The following ADGRL3 variants were observed in gnomAD, a reference collection of about 807,000 sequenced individuals.
ADGRL3 encodes calcium-independent alpha-latrotoxin receptor 3.
Under a neutral mutation model 153.5 loss-of-function variants are expected in ADGRL3, and 62 were observed. The observed-to-expected ratio is 0.40, with a 90% CI of 0.33 to 0.50. ADGRL3 has a LOEUF of 0.50. Among genes scored for constraint, ADGRL3 ranks in the 20% least tolerant of loss-of-function variants. The pLI, the probability that ADGRL3 is intolerant of heterozygous loss-of-function variation, is 0.47. For missense variants in ADGRL3, 1,641 were observed against 1,859.4 expected (o/e 0.88, Z 2.16); for synonymous variants, 710 against 672.5 (o/e 1.06, Z -0.86).
intron 6 of ADGRL3, chr4:61,677,189 G>A: frequency 2.6e-6 from 1 of 383,382 alleles, no homozygotes; most frequent in South Asian, 3.1e-5. Context: ...CTTAATTAAT[G>A]CAAGAATATA....
chr4:61,530,639 G>T (rs1357131156), intron 4 of ADGRL3, among the ~76,000 whole-genome samples: 2 of 152,106 alleles, frequency 1.3e-5, no homozygotes, highest in African/African-American at 2.4e-5. Context: ...CAGCTTAGAT[G>T]ATCTGATTCT....
At chr4:61,885,207 T>A (rs570157345) in intron 9 of ADGRL3, among the ~76,000 whole-genome samples, 3 of 151,982 alleles carry the variant, frequency 2.0e-5, no homozygotes, top group Non-Finnish European at 4.4e-5. Flanking sequence ...CGCGCGCCTG[T>A]AATCCCAGCT....
At chr4:61,876,724 A>G (rs559498039) in intron 9 of ADGRL3, among the ~76,000 whole-genome samples, 272 of 151,724 alleles carry the variant, frequency 1.8e-3, no homozygotes, top group African/African-American at 6.0e-3. Flanking sequence ...CTAAAACTTA[A>G]AGTATAATAA....
chr4:61,520,247 G>A (rs574473574), intron 4 of ADGRL3, among the ~76,000 whole-genome samples: 1 of 152,102 alleles, frequency 6.6e-6, no homozygotes, highest in Non-Finnish European at 1.5e-5. Flanking sequence ...TAGATATCAA[G>A]GCTTTCCCTA....
At chr4:61,327,275 A>G (rs548989926) in intron 1 of ADGRL3, among the ~76,000 whole-genome samples, 19 of 150,262 alleles carry the variant, frequency 1.3e-4, no homozygotes, top group African/African-American at 4.4e-4. Flanking sequence ...ATGTACATCC[A>G]GAGCTTCAAA....
chr4:61,988,321 A>G (rs555386023), intron 19 of ADGRL3, among the ~76,000 whole-genome samples: 8 of 152,296 alleles, frequency 5.3e-5, no homozygotes, highest in African/African-American at 1.9e-4. Flanking sequence ...TCCATTTTAA[A>G]AAACAATAAT....
chr4:61,359,268 C>T (rs765885041), intron 1 of ADGRL3, among the ~76,000 whole-genome samples: 13 of 152,184 alleles, frequency 8.5e-5, no homozygotes, highest in Non-Finnish European at 1.8e-4. Context: ...CTATTCTCAA[C>T]ACAGAAGCCA....
chr4:61,847,908 T>C (rs188255693), intron 9 of ADGRL3, among the ~76,000 whole-genome samples: 1 of 22,380 alleles, frequency 4.5e-5, no homozygotes, highest in Admixed American at 8.8e-4. Context: ...ATATATAATA[T>C]AAAATATATT....
chr4:61,667,655 G>A (rs1398778654), intron 5 of ADGRL3, among the ~76,000 whole-genome samples: 2 of 152,106 alleles, frequency 1.3e-5, no homozygotes, highest in Non-Finnish European at 2.9e-5. Context: ...TGCTTTAAAA[G>A]TTTACCTTTC....
At chr4:61,688,355 A>G (rs1352011997) in intron 6 of ADGRL3, among the ~76,000 whole-genome samples, 1 of 152,106 alleles carries the variant, frequency 6.6e-6, no homozygotes, top group African/African-American at 2.4e-5. Context: ...CTTAGAAGTT[A>G]CGAGTAAGAG....
intron 2 of ADGRL3, among the ~76,000 whole-genome samples, chr4:61,386,765 A>G (rs1414171440): frequency 6.6e-6 from 1 of 152,214 alleles, no homozygotes; most frequent in Non-Finnish European, 1.5e-5. Flanking sequence ...ATCAGAAAAA[A>G]TAAGTATTAG....
intron 20 of ADGRL3, among the ~76,000 whole-genome samples, chr4:61,997,737 A>G (rs1414521216): frequency 6.6e-6 from 1 of 152,200 alleles, no homozygotes; most frequent in African/African-American, 2.4e-5. Flanking sequence ...TGAACTAGCT[A>G]CACAAAAATA....
intron 13 of ADGRL3, among the ~76,000 whole-genome samples, chr4:61,925,609 T>G (rs185696762): frequency 1.2e-4 from 18 of 152,218 alleles, no homozygotes; most frequent in Admixed American, 2.6e-4. Flanking sequence ...GGAGCCGCCA[T>G]ATCACATTGC....
chr4:61,638,891 A>G (rs921429542), intron 5 of ADGRL3, among the ~76,000 whole-genome samples: 10 of 152,138 alleles, frequency 6.6e-5, no homozygotes, highest in Non-Finnish European at 1.5e-4. Flanking sequence ...TTATATGTAA[A>G]TTTAGTTCCT....
chr4:61,953,810 C>T (rs1439415898), intron 17 of ADGRL3, among the ~76,000 whole-genome samples: 3 of 152,180 alleles, frequency 2.0e-5, no homozygotes, highest in Admixed American at 1.3e-4. Flanking sequence ...AGATGTATTT[C>T]ATAAGTTAAT....
intron 2 of ADGRL3, among the ~76,000 whole-genome samples, chr4:61,432,646 CTTTCT>C (rs1248957829): frequency 1.5e-3 from 16 of 10,620 alleles, no homozygotes; most frequent in African/African-American, 4.1e-3. Context: ...TTCTTTCTTT[CTTTCT>C]TTCTTTTTTT....
chr4:61,266,832 T>C (rs372139980), intron 1 of ADGRL3, among the ~76,000 whole-genome samples: 33 of 151,866 alleles, frequency 2.2e-4, no homozygotes, highest in African/African-American at 7.9e-4. Flanking sequence ...GTCAGTGCCA[T>C]CATTCTTTAA....
intron 5 of ADGRL3, among the ~76,000 whole-genome samples, chr4:61,672,944 A>AATAG: frequency 6.6e-6 from 1 of 152,140 alleles, no homozygotes; most frequent in South Asian, 2.1e-4. Flanking sequence ...TCAGCAGATG[A>AATAG]ATAGATAAAA....
At chr4:61,817,966 C>G (rs148071075) in intron 9 of ADGRL3, among the ~76,000 whole-genome samples, 1,625 of 152,174 alleles carry the variant, frequency 0.011, 39 homozygotes, top group African/African-American at 0.037. Context: ...AGAGACACAG[C>G]CAAACCATAT....
Sources: allele counts gnomAD v4.1 joint callset (sites outside exome capture counted in the v4.1 genomes callset), GRCh38; gene constraint gnomAD v4.1.1; transcripts MANE v1.5; gene names NCBI Gene and HGNC (gene_info 2026-07-23, HGNC 2026-07-21).